LRMDA: variants seen among roughly 807,000 people sequenced by gnomAD.
LRMDA encodes leucine rich melanocyte differentiation associated, also known as leucine-rich melanocyte differentiation-associated protein.
LRMDA carries 18 observed loss-of-function variants against 29.8 expected under a neutral mutation model. The ratio of observed to expected loss-of-function variants is 0.60; its 90% confidence interval spans 0.42 to 0.90. LRMDA has a LOEUF of 0.90. Among genes scored for constraint, LRMDA ranks in the 40% least tolerant of loss-of-function variants. The pLI, the probability that LRMDA is intolerant of heterozygous loss-of-function variation, is 0.00. For synonymous variants in LRMDA, 125 were observed against 109.4 expected, an observed-to-expected ratio of 1.14 and a Z score of -0.89; for missense variants, 273 against 273.9, an observed-to-expected ratio of 1.00 and a Z score of 0.02.
At chr10:76,076,131 C>T (rs1008960847) in intron 5 of LRMDA, among the ~76,000 whole-genome samples, 4 of 151,906 alleles carry the variant, frequency 2.6e-5, no homozygotes, top group African/African-American at 4.8e-5. Context: ...GTCACGAGGT[C>T]GGGAGATCAA....
chr10:75,554,271 T>C (rs1840187851), intron 2 of LRMDA, among the ~76,000 whole-genome samples: 1 of 152,184 alleles, frequency 6.6e-6, no homozygotes, highest in African/African-American at 2.4e-5. Flanking sequence ...CACTGGTCAG[T>C]TGCAGTGTGT....
At chr10:75,779,335 C>G (rs1843351228) in intron 2 of LRMDA, among the ~76,000 whole-genome samples, 1 of 152,090 alleles carries the variant, frequency 6.6e-6, no homozygotes, top group South Asian at 2.1e-4. Context: ...TCCTCTGGGA[C>G]CAGTAGAGAA....
chr10:76,481,150 A>G (rs771848111), intron 6 of LRMDA, among the ~76,000 whole-genome samples: 5 of 151,940 alleles, frequency 3.3e-5, no homozygotes, highest in Non-Finnish European at 5.9e-5. Flanking sequence ...GCTTTCTACA[A>G]TTCTATTAAA....
intron 5 of LRMDA, among the ~76,000 whole-genome samples, chr10:76,208,488 C>T (rs556673339): frequency 2.0e-5 from 3 of 152,250 alleles, no homozygotes; most frequent in Non-Finnish European, 2.9e-5. Flanking sequence ...ACCTCAATCC[C>T]GGAGCCCAGT....
chr10:75,635,243 A>G (rs1841376453), intron 2 of LRMDA, among the ~76,000 whole-genome samples: 1 of 151,800 alleles, frequency 6.6e-6, no homozygotes, highest in Admixed American at 6.6e-5. Flanking sequence ...TCTTTAAGGA[A>G]CTCTTTGCCA....
At chr10:75,620,827 C>CT in intron 2 of LRMDA, among the ~76,000 whole-genome samples, 1 of 152,136 alleles carries the variant, frequency 6.6e-6, no homozygotes, top group East Asian at 1.9e-4. Context: ...TTTGTTTTTG[C>CT]TTTTTTAATT....
chr10:75,761,310 AC>A (rs1391106566), intron 2 of LRMDA, among the ~76,000 whole-genome samples: 1 of 152,226 alleles, frequency 6.6e-6, no homozygotes, highest in Non-Finnish European at 1.5e-5. Context: ...GAATGGATAA[AC>A]AAAATATAGC....
chr10:76,276,547 T>C (rs1378322995), intron 5 of LRMDA, among the ~76,000 whole-genome samples: 2 of 152,328 alleles, frequency 1.3e-5, no homozygotes, highest in Non-Finnish European at 2.9e-5. Context: ...TTTCTACTAA[T>C]TTAAAGCAAG....
intron 5 of LRMDA, among the ~76,000 whole-genome samples, chr10:76,084,960 C>G (rs1849110581): frequency 6.6e-6 from 1 of 152,174 alleles, no homozygotes; most frequent in African/African-American, 2.4e-5. Context: ...TGAAGGAACT[C>G]AGCACAAGCT....
At chr10:76,496,828 C>T (rs1486118040) in intron 6 of LRMDA, among the ~76,000 whole-genome samples, 1 of 74,308 alleles carries the variant, frequency 1.3e-5, no homozygotes, top group African/African-American at 3.3e-5. Flanking sequence ...ACTAATAAGT[C>T]AGCATTTCAA....
intron 2 of LRMDA, among the ~76,000 whole-genome samples, chr10:75,970,124 C>T (rs1234977183): frequency 1.3e-5 from 2 of 152,210 alleles, no homozygotes; most frequent in Non-Finnish European, 2.9e-5. Flanking sequence ...CTTGTATCCA[C>T]TTCTCTCTAA....
rs1306037528 is a variant in LRMDA, at chr10:75,719,267, G to A, written c.131+280773G>A. 2.0e-5 allele frequency among the ~76,000 whole-genome samples: 3 copies of A among 152,362 alleles called. No individual in the cohort carries two copies. In the East Asian group the frequency reaches 5.8e-4, roughly 29 times the overall value. ...AACCATAGCAGTAACAATGATTGGT[G>A]AGATGATGTATCTGAAGAGCTTTTT... On this transcript the variant is annotated intron_variant, in intron 2 of 6. Coordinates refer to ENST00000611255, the MANE Select transcript of LRMDA (RefSeq NM_001305581.2).
At chr10:75,818,884 A>T (rs1184075791) in intron 2 of LRMDA, among the ~76,000 whole-genome samples, 1 of 152,204 alleles carries the variant, frequency 6.6e-6, no homozygotes, top group African/African-American at 2.4e-5. Context: ...TGAGTAAAGT[A>T]GGGGCAATGT....
chr10:75,671,632 G>C (rs1039628159), intron 2 of LRMDA, among the ~76,000 whole-genome samples: 1 of 152,112 alleles, frequency 6.6e-6, no homozygotes, highest in African/African-American at 2.4e-5. Context: ...ACCAGGGCCT[G>C]TCGTGGGGTG....
intron 2 of LRMDA, among the ~76,000 whole-genome samples, chr10:75,771,171 A>G (rs1195195306): frequency 5.9e-5 from 9 of 152,132 alleles, no homozygotes; most frequent in African/African-American, 7.2e-5. Context: ...AGGGAGAGAA[A>G]CAATTGCTTG....
chr10:76,251,095 C>CAGGGACA (rs1320668217), intron 5 of LRMDA, among the ~76,000 whole-genome samples: 2 of 152,160 alleles, frequency 1.3e-5, no homozygotes, highest in East Asian at 3.9e-4. Flanking sequence ...TGGGGGAAGA[C>CAGGGACA]AGGGACAATC....
intron 2 of LRMDA, among the ~76,000 whole-genome samples, chr10:75,554,588 A>G (rs559070779): frequency 2.6e-4 from 40 of 152,348 alleles, no homozygotes; most frequent in Non-Finnish European, 4.7e-4. Flanking sequence ...TATGAATTAC[A>G]GCTAATGATG....
chr10:75,650,137 A>G (rs188800765), intron 2 of LRMDA, among the ~76,000 whole-genome samples: 418 of 152,176 alleles, frequency 2.7e-3, no homozygotes, highest in Middle Eastern at 0.01. Context: ...TAGTTTGTCT[A>G]TTTTCTTTCT....
chr10:75,994,242 A>G (rs1398029299), intron 2 of LRMDA, among the ~76,000 whole-genome samples: 6 of 152,206 alleles, frequency 3.9e-5, no homozygotes, highest in Non-Finnish European at 8.8e-5. Context: ...TATGGTCTTT[A>G]TATATCCAAG....
Sources: gnomAD v4.1 joint callset for allele counts (sites outside exome capture counted in the v4.1 genomes callset) on GRCh38, gnomAD v4.1.1 for gene constraint, MANE v1.5 for transcripts, NCBI Gene and HGNC (gene_info 2026-07-23, HGNC 2026-07-21) for gene names.